GALNT6: variants seen among roughly 807,000 people sequenced by gnomAD.
GALNT6 encodes GalNAc transferase 6.
A neutral mutation model predicts 65.9 loss-of-function variants in GALNT6; 51 were observed. The ratio of observed to expected loss-of-function variants is 0.77; its 90% CI spans 0.62 to 0.98. GALNT6 has a LOEUF of 0.98. GALNT6 is among the 50% of genes least tolerant of loss of function. The pLI is 0.00. For synonymous variants in GALNT6, 323 were observed against 315.1 expected (o/e 1.02, Z -0.26); for missense variants, 708 against 803.3 (o/e 0.88, Z 1.43).
intron 4 of GALNT6, among the ~76,000 whole-genome samples, chr12:51,367,338 G>C (rs1947141130): frequency 6.6e-6 from 1 of 152,202 alleles, no homozygotes; most frequent in Non-Finnish European, 1.5e-5. Flanking sequence ...GGGAGGCTGA[G>C]GCAGGAGAAC....
chr12:51,365,685 T>A, intron 4 of GALNT6, 106 bp from the exon 5 acceptor site: 1 of 1,156,074 alleles, frequency 8.6e-7, no homozygotes, highest in Non-Finnish European at 1.2e-6. Context: ...GCCTGAATTT[T>A]AAACCCCCAA....
intron 9 of GALNT6, 148 bp downstream of exon 9, chr12:51,357,982 A>G (rs932965683): frequency 1.6e-5 from 11 of 696,706 alleles, no homozygotes; most frequent in South Asian, 4.9e-5. Context: ...AGAAGCCCCA[A>G]CGTGGCCTCT....
At chr12:51,358,506 G>C in intron 8 of GALNT6, among the ~76,000 whole-genome samples, 1 of 152,050 alleles carries the variant, frequency 6.6e-6, no homozygotes, top group East Asian at 1.9e-4. Context: ...TCACCATGTT[G>C]GCCAGGCTGG....
At position 51,376,112 on chromosome 12, in the gene GALNT6, G is replaced by A. The variant is rs118070149; in HGVS notation, c.664+1083C>T. Among the ~76,000 whole-genome samples the A allele has an allele frequency of 8.9e-3, 1,352 of 152,008 alleles. 53 individuals are homozygous for A. In the East Asian group the frequency reaches 0.13, roughly 14 times the overall value. On this transcript the variant is annotated intron_variant, in intron 4 of 11. Coordinates refer to ENST00000356317, the MANE Select transcript of GALNT6 (RefSeq NM_007210.4). ...ACTCCTGACCTCAAGTGATCTGTCC[G>A]CTTCAGCCTCCCAAAGTGCTGAAAT...
intron 2 of GALNT6, chr12:51,382,642 T>C (rs1472000244): frequency 6.6e-6 from 1 of 152,352 alleles, no homozygotes; most frequent in Non-Finnish European, 1.5e-5. Flanking sequence ...TGAGGAGCAT[T>C]TGCCCTTGAC....
intron 3 of GALNT6, among the ~76,000 whole-genome samples, chr12:51,377,722 C>A (rs534478553): frequency 6.6e-6 from 1 of 152,262 alleles, no homozygotes; most frequent in Admixed American, 6.5e-5. Flanking sequence ...ATGTGAACTG[C>A]ATAAAATGTA....
intron 4 of GALNT6, among the ~76,000 whole-genome samples, chr12:51,374,708 G>C (rs1026743502): frequency 1.3e-5 from 2 of 152,106 alleles, no homozygotes; most frequent in African/African-American, 4.8e-5. Context: ...TAAGCTTGTG[G>C]AGACTCTCAG....
chr12:51,365,649 G>A, intron 4 of GALNT6, 70 bp from the exon 5 acceptor site: 1 of 1,503,072 alleles, frequency 6.7e-7, no homozygotes, highest in South Asian at 1.2e-5. Context: ...TGGGCACCAA[G>A]CTAGGGGCTC....
intron 8 of GALNT6, 40 bp from the exon 9 acceptor site, chr12:51,358,301 G>GTTTTTTTT: frequency 6.9e-7 from 1 of 1,447,348 alleles, no homozygotes; most frequent in Non-Finnish European, 9.3e-7. Context: ...AGTTCCACCA[G>GTTTTTTTT]TTTTTTTTTT....
chr12:51,385,180 G>A (rs149221588), intron 2 of GALNT6, among the ~76,000 whole-genome samples: 88 of 152,082 alleles, frequency 5.8e-4, no homozygotes, highest in African/African-American at 2.1e-3. Context: ...TAGAGATGGG[G>A]GTCTCACTAT....
chr12:51,389,584 A>T (rs1437950945), intron 2 of GALNT6, among the ~76,000 whole-genome samples: 1 of 152,146 alleles, frequency 6.6e-6, no homozygotes, highest in African/African-American at 2.4e-5. Context: ...GGGAGTGTTT[A>T]TGTGTTTTGG....
chr12:51,354,238 G>A lies in GALNT6; in HGVS notation c.*141C>T. On this transcript the variant is annotated 3_prime_UTR_variant, in exon 12 of 12. Coordinates refer to ENST00000356317, the MANE Select transcript of GALNT6 (RefSeq NM_007210.4). ...GGGCCCAATGTTGTTGCAAGGATTA[G>A]GAAGGTCCTGCCTTGCCACCCAGTG... 1 of 551,704 alleles carries A rather than the reference G, an allele frequency of 1.8e-6. No individual in the cohort carries two copies. Among genetic ancestry groups the A allele is most frequent in the Non-Finnish European group, 3.2e-6 (1 of 314,326 alleles). The allele number at this position is 551,704 out of a possible 1,614,324, so 34.2% of individuals were successfully genotyped here. A position where few individuals can be genotyped will look rare whatever the true frequency, so the allele number is the denominator to read the frequency against.
rs370144553 is a variant in GALNT6 at position 51,365,550 on chromosome 12, C to A, written c.694G>T (p.Val232Leu). The change falls in exon 5 of 12, where the codon GTG becomes TTG. Residue 232 changes from valine to leucine, a missense_variant. Transcript: ENST00000356317. ...EHLKEKLEQY[V>L]KQLQVVRVVR... is the part of the protein sequence containing the mutation. ...ACCCTCACCACCTGCAGCTGCTTCA[C>A]GTACTGCTCCAGCTTCTCCTTTAGG... The A allele has an allele frequency of 6.2e-7, 1 of 1,613,628 alleles. No individual in the cohort carries two copies. Among genetic ancestry groups the A allele is most frequent in the East Asian group, 2.2e-5 (1 of 44,884 alleles).
chr12:51,384,366 T>A (rs1426459837), intron 2 of GALNT6, among the ~76,000 whole-genome samples: 1 of 152,022 alleles, frequency 6.6e-6, no homozygotes, highest in East Asian at 1.9e-4. Context: ...AAATTCAGAG[T>A]GTTGCAAATT....
intron 10 of GALNT6, among the ~76,000 whole-genome samples, chr12:51,356,232 G>T (rs1946741411): frequency 6.6e-6 from 1 of 150,968 alleles, no homozygotes. Flanking sequence ...TATGAGATGG[G>T]GTCTTGCTAT....
At chr12:51,371,054 AATTATTATTATTATT>A (rs66469959) in intron 4 of GALNT6, among the ~76,000 whole-genome samples, 52,646 of 144,176 alleles carry the variant, frequency 0.37, 9,712 homozygotes, top group Middle Eastern at 0.42. Flanking sequence ...CCTTTTAAAA[AATTATTATTATTATT>A]ATTATTATTA....
intron 4 of GALNT6, among the ~76,000 whole-genome samples, chr12:51,373,349 C>T (rs1947348885): frequency 6.6e-6 from 1 of 152,136 alleles, no homozygotes; most frequent in African/African-American, 2.4e-5. Context: ...GGGCAGTTTC[C>T]ACCATGCTAT....
intron 2 of GALNT6, among the ~76,000 whole-genome samples, chr12:51,389,613 G>C (rs1049612444): frequency 6.6e-6 from 1 of 152,184 alleles, no homozygotes; most frequent in African/African-American, 2.4e-5. Context: ...ATATATCGAA[G>C]TTAGTGACAG....
rs117525042 is a variant in GALNT6, at chr12:51,387,746, C to T, written c.-104+3104G>A. 7.9e-5 allele frequency among the ~76,000 whole-genome samples: 12 copies of T among 151,032 alleles called. No homozygotes were observed. In the East Asian group the frequency reaches 2.1e-3, roughly 27 times the overall value. On this transcript the variant is annotated intron_variant, in intron 2 of 11. Transcript: ENST00000356317. The surrounding 1 kb of genome is among the most constrained non-coding windows in gnomAD (Gnocchi z 4.2). ...AATCACCTAGAAGCCTTGGTGACAA[C>T]GAGACTGGGCTTGAGGGGGAGAGTT...
Sources: gnomAD v4.1 joint callset for allele counts (sites outside exome capture counted in the v4.1 genomes callset) on GRCh38, gnomAD v4.1.1 for gene constraint, Gnocchi (gnomAD v3.1) non-coding constraint, MANE v1.5 for transcripts, NCBI Gene and HGNC (gene_info 2026-07-23, HGNC 2026-07-21) for gene names.